Variants in TENM3 observed in about 807,000 individuals in gnomAD.
The protein encoded by TENM3 is teneurin transmembrane protein 3, also known as teneurin-3.
Under a neutral mutation model 255.1 loss-of-function variants are expected in TENM3, and 63 were observed. The observed-to-expected ratio is 0.25, with a 90% CI of 0.20 to 0.30. The LOEUF (loss-of-function observed/expected upper bound fraction) is 0.30, where lower values mean the gene tolerates loss of function less well. TENM3 is among the 10% of genes least tolerant of loss of function. The pLI, the probability that TENM3 is intolerant of heterozygous loss-of-function variation, is 1.00. For synonymous variants in TENM3, 1,306 were observed against 1,322.3 expected (o/e 0.99, Z 0.27); for missense variants, 2,929 against 3,461.1 (o/e 0.85, Z 3.86).
chr4:182,086,365 A>C, the TENM3 span, among the ~76,000 whole-genome samples: 2 of 152,200 alleles, frequency 1.3e-5, no homozygotes, highest in Admixed American at 6.5e-5. Flanking sequence ...TAACATCTGC[A>C]AATTCTGAAA....
rs138329968 is a variant in TENM3 at position 182,275,942 on chromosome 4, T to C, written c.-76+32466T>C. Among the ~76,000 whole-genome samples the C allele has an allele frequency of 8.1e-4, 123 of 152,242 alleles. 2 individuals carry two copies. Among genetic ancestry groups the C allele is most frequent in the African/African-American group, 2.8e-3 (115 of 41,536 alleles). On this transcript the variant is annotated intron_variant, in intron 1 of 27. Transcript: ENST00000511685. The stretch of plus-strand genomic sequence containing the variant: ...GCAACAGAGCAAGACCTGATCTCTT[T>C]TAAAAAATTATCAGTCAATCAATCA...
chr4:181,849,949 T>TCTCTCACACACACACACACA, the TENM3 span, among the ~76,000 whole-genome samples: 683 of 65,950 alleles, frequency 0.01, 69 homozygotes, highest in East Asian at 0.24. Context: ...TCTCTCTCTC[T>TCTCTCACACACACACACACA]CACACACACA....
At chr4:182,116,093 A>G in the TENM3 span, among the ~76,000 whole-genome samples, 1 of 152,168 alleles carries the variant, frequency 6.6e-6, no homozygotes, top group Non-Finnish European at 1.5e-5. Context: ...CTTAGTATGT[A>G]CATTCTATCA....
chr4:181,456,284 C>T, the TENM3 span, among the ~76,000 whole-genome samples: 7 of 151,642 alleles, frequency 4.6e-5, no homozygotes, highest in Admixed American at 2.6e-4. Context: ...ATATTCTGAT[C>T]CCTGATGTAT....
At chr4:181,475,546 T>G in the TENM3 span, among the ~76,000 whole-genome samples, 515 of 152,328 alleles carry the variant, frequency 3.4e-3, no homozygotes, top group African/African-American at 0.012. Context: ...CTCTGCATCA[T>G]AGATGCCATT....
intron 1 of TENM3, among the ~76,000 whole-genome samples, chr4:182,161,479 C>T (rs1362886370): frequency 5.5e-4 from 78 of 142,718 alleles, no homozygotes; most frequent in African/African-American, 1.7e-3. Context: ...CCCAACTACT[C>T]GGGATGCTGA....
At chr4:181,648,060 C>G in the TENM3 span, among the ~76,000 whole-genome samples, 22 of 152,182 alleles carry the variant, frequency 1.4e-4, no homozygotes, top group African/African-American at 3.4e-4. Flanking sequence ...AGAAATTTCC[C>G]CCTGTAGTCC....
chr4:182,733,604 A>G (rs922244473), intron 16 of TENM3, among the ~76,000 whole-genome samples: 3 of 152,114 alleles, frequency 2.0e-5, no homozygotes, highest in Admixed American at 1.3e-4. Context: ...TATAAATATA[A>G]AGCATAAACC....
At chr4:182,230,560 G>A (rs545023329) in intron 1 of TENM3, among the ~76,000 whole-genome samples, 18 of 151,842 alleles carry the variant, frequency 1.2e-4, no homozygotes, top group African/African-American at 4.1e-4. Flanking sequence ...CTGTCACAGC[G>A]CTGGCGTTCC....
chr4:182,271,238 T>C (rs1356519322), intron 1 of TENM3, among the ~76,000 whole-genome samples: 2 of 152,176 alleles, frequency 1.3e-5, no homozygotes, highest in Non-Finnish European at 2.9e-5. Flanking sequence ...CAGGACTTAT[T>C]CTTCTTTCTT....
chr4:182,262,771 T>C (rs1184646019), intron 1 of TENM3, among the ~76,000 whole-genome samples: 4 of 147,936 alleles, frequency 2.7e-5, no homozygotes, highest in Non-Finnish European at 5.9e-5. Context: ...TGGAATGCAG[T>C]GGCCTGATCT....
At chr4:181,619,455 T>C in the TENM3 span, among the ~76,000 whole-genome samples, 1 of 152,198 alleles carries the variant, frequency 6.6e-6, no homozygotes, top group Non-Finnish European at 1.5e-5. Flanking sequence ...AGAGTCTCAC[T>C]CTATTGCCCA....
At chr4:181,542,147 G>T in the TENM3 span, among the ~76,000 whole-genome samples, 1 of 152,160 alleles carries the variant, frequency 6.6e-6, no homozygotes, top group Admixed American at 6.5e-5. Context: ...GGATGCTATG[G>T]AGGAAATAAA....
the TENM3 span, among the ~76,000 whole-genome samples, chr4:181,755,163 T>C: frequency 6.6e-6 from 1 of 152,188 alleles, no homozygotes; most frequent in African/African-American, 2.4e-5. Flanking sequence ...CTGTGTTTAT[T>C]GCATTTTATT....
the TENM3 span, among the ~76,000 whole-genome samples, chr4:181,699,001 T>A: frequency 6.6e-6 from 1 of 152,196 alleles, no homozygotes; most frequent in Non-Finnish European, 1.5e-5. Context: ...GACTGTGTGT[T>A]GGAGAAGTAA....
At chr4:181,777,451 G>A in the TENM3 span, among the ~76,000 whole-genome samples, 44 of 151,834 alleles carry the variant, frequency 2.9e-4, no homozygotes, top group East Asian at 1.2e-3. Context: ...GAAAAATGTC[G>A]TTTGTATTTG....
the TENM3 span, among the ~76,000 whole-genome samples, chr4:181,919,686 C>A: frequency 3.3e-5 from 5 of 151,702 alleles, no homozygotes; most frequent in Admixed American, 3.3e-4. Context: ...GCATGAGGGA[C>A]CACCAAGGTT....
chr4:181,577,188 TTA>T, the TENM3 span, among the ~76,000 whole-genome samples: 1 of 127,094 alleles, frequency 7.9e-6, no homozygotes, highest in African/African-American at 3.0e-5. Context: ...ATATTATATA[TTA>T]TATATATTAT....
chr4:181,447,960 A>G, the TENM3 span, among the ~76,000 whole-genome samples: 1 of 151,880 alleles, frequency 6.6e-6, no homozygotes, highest in African/African-American at 2.4e-5. Context: ...AATCAATTAC[A>G]TCTTGCTGTC....
Sources: gnomAD v4.1 joint callset for allele counts (sites outside exome capture counted in the v4.1 genomes callset) on GRCh38, gnomAD v4.1.1 for gene constraint, MANE v1.5 for transcripts, NCBI Gene and HGNC (gene_info 2026-07-23, HGNC 2026-07-21) for gene names.